The following TMEM108 variants were observed in gnomAD, a reference collection of about 807,000 sequenced individuals.
TMEM108 encodes the protein cancer/testis antigen 124.
TMEM108 carries 12 observed loss-of-function variants against 35.1 expected under a neutral mutation model. That is an observed-to-expected ratio of 0.34 (90% CI 0.22 to 0.55). The LOEUF (loss-of-function observed/expected upper bound fraction) is 0.55. Ranked by LOEUF, TMEM108 falls within the 20% of genes least tolerant of loss-of-function variation. TMEM108 has a pLI of 0.89. For synonymous variants in TMEM108, 287 were observed against 308.6 expected, an observed-to-expected ratio of 0.93 and a Z score of 0.73; for missense variants, 680 against 753.3, an observed-to-expected ratio of 0.90 and a Z score of 1.14.
chr3:133,090,131 G>A (rs961526957), intron 2 of TMEM108, among the ~76,000 whole-genome samples: 2 of 152,118 alleles, frequency 1.3e-5, no homozygotes, highest in African/African-American at 4.8e-5. Flanking sequence ...CAGTGCCTAA[G>A]TACAAAATGA....
In TMEM108 at chr3:133,310,530, C is replaced by CTTTTTTTTTTTTT. The variant is rs59215786; in HGVS notation, c.41-69205_41-69193dup. Among the ~76,000 whole-genome samples, 11 of 22,250 alleles carry CTTTTTTTTTTTTT rather than the reference C, an allele frequency of 4.9e-4. 2 individuals are homozygous for CTTTTTTTTTTTTT. Among genetic ancestry groups the CTTTTTTTTTTTTT allele is most frequent in the Non-Finnish European group, 6.5e-4 (8 of 12,236 alleles). 14.6% of individuals were successfully genotyped at this position (22,250 alleles called of 152,430 possible). ...TCAGAGACTAGGATTGCAACCCCTG[C>CTTTTTTTTTTTTT]TTTTTTTTTTTTTTTTTTTTTTTTT... On this transcript the variant is annotated intron_variant, in intron 3 of 5. Transcript: ENST00000321871.
intron 2 of TMEM108, among the ~76,000 whole-genome samples, chr3:133,118,446 G>A (rs1162227248): frequency 2.0e-5 from 3 of 152,140 alleles, no homozygotes; most frequent in Non-Finnish European, 4.4e-5. Flanking sequence ...CCAAAGTTTT[G>A]GAGGTAGTTT....
At position 133,380,894 on chromosome 3, in the gene TMEM108, A is replaced by G; in HGVS notation, c.1183A>G (p.Ser395Gly). 1 of 1,614,144 alleles carries G rather than the reference A, an allele frequency of 6.2e-7. No homozygotes were observed. The highest frequency in any genetic ancestry group is 8.5e-7 in the Non-Finnish European group (1 of 1,180,012). The change falls in exon 4 of 6, where the codon AGC (serine) becomes GGC (glycine). Residue 395 changes from serine (S) to glycine (G), a missense_variant. Physicochemically the swap from Ser to Gly is moderately conservative, Grantham distance 56. Coordinates refer to ENST00000321871, the MANE Select transcript of TMEM108 (RefSeq NM_023943.4). This position sits in a 1 kb window ranked among gnomAD's most constrained non-coding sequence, Gnocchi z 5.3. ...APTHPSRVSESTISGAKEETV... is the reference protein window; with the variant it reads ...APTHPSRVSEGTISGAKEETV... ...AACCCATCCCTCCAGGGTCTCAGAAAGCACTATTTCTGGAGCCAAGGAGGA... is the reference window on the plus strand; with the variant it reads ...AACCCATCCCTCCAGGGTCTCAGAAGGCACTATTTCTGGAGCCAAGGAGGA...
chr3:133,065,683 G>A (rs970010532), intron 2 of TMEM108, among the ~76,000 whole-genome samples: 1 of 152,022 alleles, frequency 6.6e-6, no homozygotes, highest in Admixed American at 6.6e-5. Flanking sequence ...AAAAATTTAT[G>A]TCCATATGGC....
At chr3:133,390,114 G>A (rs540970512) in intron 4 of TMEM108, 66 bp from the exon 5 acceptor site, 57 of 1,594,884 alleles carry the variant, frequency 3.6e-5, no homozygotes, top group Middle Eastern at 1.7e-4. Flanking sequence ...TCATCAGTTC[G>A]GTGGTGCAAC....
At chr3:133,114,506 C>T (rs547214685) in intron 2 of TMEM108, among the ~76,000 whole-genome samples, 15 of 152,230 alleles carry the variant, frequency 9.9e-5, no homozygotes, top group Non-Finnish European at 1.5e-4. Flanking sequence ...TTTTGTAATT[C>T]GGTGAGTTTT....
At chr3:133,363,091 G>T (rs1198334653) in intron 3 of TMEM108, among the ~76,000 whole-genome samples, 1 of 152,144 alleles carries the variant, frequency 6.6e-6, no homozygotes, top group East Asian at 1.9e-4. Context: ...CCATTTCTGT[G>T]TGGCCTTCCC....
chr3:133,260,714 A>G (rs1318174363), intron 3 of TMEM108, among the ~76,000 whole-genome samples: 6 of 152,194 alleles, frequency 3.9e-5, no homozygotes, highest in Non-Finnish European at 8.8e-5. Flanking sequence ...TTGAAAAGAT[A>G]CCTGACTGCT....
At chr3:133,300,741 G>A (rs1007626556) in intron 3 of TMEM108, among the ~76,000 whole-genome samples, 10 of 151,992 alleles carry the variant, frequency 6.6e-5, no homozygotes, top group Non-Finnish European at 8.8e-5. Flanking sequence ...GAGTGATTAG[G>A]GCTGAGGGAT....
At chr3:133,253,334 C>T (rs902614213) in intron 3 of TMEM108, 1 of 152,180 alleles carries the variant, frequency 6.6e-6, no homozygotes, top group Non-Finnish European at 1.5e-5. Flanking sequence ...TCAGTTTACC[C>T]ATTTATAAGA....
At chr3:133,123,006 C>T (rs1944372926) in intron 2 of TMEM108, among the ~76,000 whole-genome samples, 1 of 152,060 alleles carries the variant, frequency 6.6e-6, no homozygotes, top group Non-Finnish European at 1.5e-5. Flanking sequence ...CAGAAATGAC[C>T]TAATGTTCTA....
intron 3 of TMEM108, among the ~76,000 whole-genome samples, chr3:133,296,828 C>T (rs1012674951): frequency 6.6e-6 from 1 of 152,180 alleles, no homozygotes; most frequent in African/African-American, 2.4e-5. Flanking sequence ...GCATGTCTAG[C>T]TAATTCTCAA....
intron 2 of TMEM108, among the ~76,000 whole-genome samples, chr3:133,059,589 C>G (rs948051196): frequency 1.3e-5 from 2 of 152,188 alleles, no homozygotes; most frequent in Non-Finnish European, 2.9e-5. Context: ...TCTTTCAGAC[C>G]TCGCATAAAT....
chr3:133,109,532 G>A (rs531584403), intron 2 of TMEM108, among the ~76,000 whole-genome samples: 17 of 152,274 alleles, frequency 1.1e-4, no homozygotes, highest in Middle Eastern at 3.4e-3. Context: ...AGCTAACTCT[G>A]TTTCTAAAGA....
Position 133,397,138 on chromosome 3 carries a change from C to G in TMEM108, c.*1152C>G. On this transcript the variant is annotated 3_prime_UTR_variant, in exon 6 of 6. Coordinates refer to ENST00000321871, the MANE Select transcript of TMEM108 (RefSeq NM_023943.4). ...CTCCCCGTGCTGTGTCCAGCACGGC[C>G]AACAACGTCAGACCCTCAGAGACGC... 1 of 152,168 alleles carries G rather than the reference C, an allele frequency of 6.6e-6. No homozygotes were observed. Among genetic ancestry groups the G allele is most frequent in the Admixed American group, 6.5e-5 (1 of 15,278 alleles). The allele number at this position is 152,168 out of a possible 1,614,324, so 9.4% of individuals were successfully genotyped here.
chr3:133,072,114 A>G (rs1487573365), intron 2 of TMEM108, among the ~76,000 whole-genome samples: 1 of 152,086 alleles, frequency 6.6e-6, no homozygotes, highest in Non-Finnish European at 1.5e-5. Context: ...GAATCATTTG[A>G]CCATGCACAA....
chr3:133,316,532 A>G (rs2071201564), intron 3 of TMEM108, among the ~76,000 whole-genome samples: 1 of 152,340 alleles, frequency 6.6e-6, no homozygotes, highest in Non-Finnish European at 1.5e-5. Flanking sequence ...GTGCTTGTCG[A>G]AAAAGGTCTG....
chr3:133,061,706 T>A (rs575296314), intron 2 of TMEM108, among the ~76,000 whole-genome samples: 13 of 152,202 alleles, frequency 8.5e-5, no homozygotes, highest in Non-Finnish European at 1.8e-4. Context: ...GAGGTGTCCT[T>A]GTTCCCTAGG....
At chr3:133,193,817 A>T (rs569585914) in intron 2 of TMEM108, among the ~76,000 whole-genome samples, 1 of 152,318 alleles carries the variant, frequency 6.6e-6, no homozygotes, top group East Asian at 1.9e-4. Context: ...TTGTATAAAA[A>T]TTGAGTTTAC....
Sources: allele counts gnomAD v4.1 joint callset (sites outside exome capture counted in the v4.1 genomes callset), GRCh38; gene constraint gnomAD v4.1.1; non-coding constraint Gnocchi (gnomAD v3.1); transcripts MANE v1.5; gene names NCBI Gene and HGNC (gene_info 2026-07-23, HGNC 2026-07-21).